Variants in GRID2 observed in about 807,000 individuals in gnomAD.
GRID2 encodes the protein glutamate ionotropic receptor delta type subunit 2, also known as glutamate receptor ionotropic, delta-2.
A neutral mutation model predicts 114.8 loss-of-function variants in GRID2; 33 were observed. That is an observed-to-expected ratio of 0.29 (90% CI 0.22 to 0.38). GRID2 has a LOEUF of 0.38. GRID2 is among the 10% of genes least tolerant of loss of function. The probability of loss-of-function intolerance (pLI) is 1.00; values close to 1 mark genes in which losing one functional copy is unlikely to be tolerated. For synonymous variants in GRID2, 505 were observed against 449.9 expected (o/e 1.12, Z -1.55); for missense variants, 1,184 against 1,257.7 (o/e 0.94, Z 0.89).
chr4:93,784,567 G>A (rs184714384), intron 1 of GRID2, among the ~76,000 whole-genome samples: 1 of 152,028 alleles, frequency 6.6e-6, no homozygotes, highest in Non-Finnish European at 1.5e-5. Context: ...AAGTCCTATG[G>A]AGACAGACAG....
chr4:92,391,592 G>A (rs1730241073), intron 1 of GRID2, among the ~76,000 whole-genome samples: 1 of 152,018 alleles, frequency 6.6e-6, no homozygotes, highest in Non-Finnish European at 1.5e-5. Context: ...AAACAAAAAT[G>A]CATAGTTCCT....
At chr4:92,439,494 G>A (rs61596038) in intron 1 of GRID2, among the ~76,000 whole-genome samples, 1 of 152,020 alleles carries the variant, frequency 6.6e-6, no homozygotes, top group Admixed American at 6.6e-5. Context: ...GGTATGGAGA[G>A]AGAATGGGCG....
chr4:92,765,877 T>C (rs1364857698), intron 2 of GRID2, among the ~76,000 whole-genome samples: 1 of 152,198 alleles, frequency 6.6e-6, no homozygotes, highest in Non-Finnish European at 1.5e-5. Context: ...AATTTGCTCT[T>C]GGCCCTCTCT....
chr4:93,124,718 C>G (rs909228053), intron 4 of GRID2, among the ~76,000 whole-genome samples: 1 of 152,104 alleles, frequency 6.6e-6, no homozygotes, highest in African/African-American at 2.4e-5. Flanking sequence ...TAGATAGTCT[C>G]TCTAGATTAC....
At chr4:93,583,157 A>T (rs1387355537) in intron 13 of GRID2, among the ~76,000 whole-genome samples, 1 of 152,188 alleles carries the variant, frequency 6.6e-6, no homozygotes, top group African/African-American at 2.4e-5. Flanking sequence ...TTAAAGTTAG[A>T]ATCATCCTAA....
intron 1 of GRID2, among the ~76,000 whole-genome samples, chr4:92,364,738 A>G (rs1346207693): frequency 6.6e-6 from 1 of 151,954 alleles, no homozygotes; most frequent in East Asian, 1.9e-4. Flanking sequence ...AAGGGAAAAT[A>G]TTTACTTATT....
rs1417510601 is a variant in GRID2 at position 92,824,800 on chromosome 4, T to C, written c.244+234514T>C. Reference sequence around the variant, plus strand: ...TAAATTGCCTCTATAAACATTAAACTTTACCTTTAGATATTGTTTTTTAGG... The same window carrying C: ...TAAATTGCCTCTATAAACATTAAACCTTACCTTTAGATATTGTTTTTTAGG... On this transcript the variant is annotated intron_variant, in intron 2 of 15. Coordinates refer to ENST00000282020, the MANE Select transcript of GRID2 (RefSeq NM_001510.4). Among the ~76,000 whole-genome samples the C allele has an allele frequency of 2.0e-5, 3 of 152,204 alleles. No homozygotes were observed. The East Asian group carries it at 5.8e-4, about 29-fold the overall frequency.
At chr4:93,656,848 A>C (rs1049797245) in intron 14 of GRID2, among the ~76,000 whole-genome samples, 2 of 148,044 alleles carry the variant, frequency 1.4e-5, no homozygotes, top group South Asian at 2.1e-4. Context: ...AAAAAAAAAA[A>C]AAAAAAAAAC....
chr4:92,536,353 A>G (rs2149157686), intron 1 of GRID2, among the ~76,000 whole-genome samples: 1 of 152,270 alleles, frequency 6.6e-6, no homozygotes, highest in Non-Finnish European at 1.5e-5. Flanking sequence ...GTGCATTTAC[A>G]GTCCTTTAGC....
intron 1 of GRID2, among the ~76,000 whole-genome samples, chr4:92,539,926 T>C (rs1470124360): frequency 6.6e-6 from 1 of 152,112 alleles, no homozygotes; most frequent in Non-Finnish European, 1.5e-5. Flanking sequence ...CAAAACAGCA[T>C]GGTACTGGTA....
At chr4:92,686,473 G>C (rs1339747287) in intron 2 of GRID2, among the ~76,000 whole-genome samples, 3 of 151,886 alleles carry the variant, frequency 2.0e-5, no homozygotes, top group African/African-American at 7.3e-5. Context: ...GCAATCTCTT[G>C]GGTTGTGTTG....
intron 11 of GRID2, among the ~76,000 whole-genome samples, 183 bp from the exon 12 acceptor site, chr4:93,490,456 G>A (rs1029764583): frequency 7.2e-5 from 11 of 151,752 alleles, no homozygotes; most frequent in Admixed American, 2.0e-4. Flanking sequence ...TTTTGGCTGG[G>A]TCTTTCATAA....
intron 4 of GRID2, among the ~76,000 whole-genome samples, chr4:93,141,752 C>T (rs930342122): frequency 2.0e-5 from 3 of 152,164 alleles, no homozygotes; most frequent in African/African-American, 7.2e-5. Flanking sequence ...TGGAACATGG[C>T]TTGTGAAAGC....
rs191401307 is a variant in GRID2, at chr4:93,687,732, T to C, written c.2360+61297T>C. On this transcript the variant is annotated intron_variant, in intron 14 of 15. Coordinates refer to ENST00000282020, the MANE Select transcript of GRID2 (RefSeq NM_001510.4). The stretch of plus-strand genomic sequence containing the variant: ...CTGATTAAAATGAGTTTAGGAGAAT[T>C]GTAGAAGAGAAAATGGAACTAATAA... Among the ~76,000 whole-genome samples the C allele has an allele frequency of 2.7e-3, 404 of 152,038 alleles. 4 individuals are homozygous for C. The highest frequency in any genetic ancestry group is 9.3e-3 in the African/African-American group (386 of 41,522).
At chr4:93,712,003 T>C (rs1443184918) in intron 14 of GRID2, among the ~76,000 whole-genome samples, 1 of 151,412 alleles carries the variant, frequency 6.6e-6, no homozygotes, top group African/African-American at 2.4e-5. Context: ...AGCTTTTCAG[T>C]TTTTTTGTTG....
chr4:92,890,794 C>G (rs144430078), intron 2 of GRID2, among the ~76,000 whole-genome samples: 1,534 of 152,272 alleles, frequency 0.01, 13 homozygotes, highest in Middle Eastern at 0.02. Flanking sequence ...AGTCATTCTA[C>G]TATAAAGACA....
chr4:92,803,681 GTT>G (rs1407060118), intron 2 of GRID2, among the ~76,000 whole-genome samples: 1 of 151,918 alleles, frequency 6.6e-6, no homozygotes, highest in Non-Finnish European at 1.5e-5. Flanking sequence ...ACTCACATGT[GTT>G]TATCTTCTTG....
chr4:93,204,474 T>C (rs553082845), intron 4 of GRID2, among the ~76,000 whole-genome samples: 1 of 152,304 alleles, frequency 6.6e-6, no homozygotes. Context: ...TGCTAAAATA[T>C]CTTAGATGTT....
In GRID2 at chr4:93,327,303, A is replaced by C. The variant is rs550724592; in HGVS notation, c.1246-68304A>C. 1.7e-3 allele frequency among the ~76,000 whole-genome samples: 265 copies of C among 152,256 alleles called. 2 individuals carry two copies. The highest frequency in any genetic ancestry group is 5.9e-3 in the African/African-American group (246 of 41,536). Reference sequence around the variant, plus strand: ...ACAGACATTAAAGGTCCAAAATATAAATTTTACTTTCTCCAACCTACCCAC... The same window carrying C: ...ACAGACATTAAAGGTCCAAAATATACATTTTACTTTCTCCAACCTACCCAC... On this transcript the variant is annotated intron_variant, in intron 8 of 15. Coordinates refer to ENST00000282020, the MANE Select transcript of GRID2 (RefSeq NM_001510.4).
Sources: gnomAD v4.1 joint callset for allele counts (sites outside exome capture counted in the v4.1 genomes callset) on GRCh38, gnomAD v4.1.1 for gene constraint, MANE v1.5 for transcripts, NCBI Gene and HGNC (gene_info 2026-07-23, HGNC 2026-07-21) for gene names.